Variants in ATRX observed in about 807,000 individuals in gnomAD.
ATRX encodes the protein ATRX chromatin remodeler, also known as chromatin remodeler ATRX.
In ATRX, 12 loss-of-function variants were observed where a neutral mutation model predicts 172.6. That is an observed-to-expected ratio of 0.07 (90% CI 0.04 to 0.11). ATRX has a LOEUF of 0.11. Among genes scored for constraint, ATRX ranks in the 10% least tolerant of loss-of-function variants. ATRX has a pLI of 1.00. For synonymous variants in ATRX, 674 were observed against 594.7 expected (o/e 1.13, Z -1.94); for missense variants, 1,368 against 1,767.4 (o/e 0.77, Z 4.05).
chrX:77,619,444 A>G (rs2067491569), intron 20 of ATRX, among the ~76,000 whole-genome samples: 1 of 111,107 alleles, frequency 9.0e-6, no homozygotes, highest in South Asian at 3.8e-4. Flanking sequence ...ATAATATTTG[A>G]GAGATCAAAT....
At chrX:77,536,243 T>C (rs1303801346) in intron 30 of ATRX, among the ~76,000 whole-genome samples, 1 of 111,362 alleles carries the variant, frequency 9.0e-6, no homozygotes, top group African/African-American at 3.3e-5. Flanking sequence ...AAAGAAAACA[T>C]TAATAAAAGA....
At chrX:77,636,908 G>A (rs1557108474) in intron 15 of ATRX, among the ~76,000 whole-genome samples, 1 of 92,574 alleles carries the variant, frequency 1.1e-5, no homozygotes, top group Non-Finnish European at 2.1e-5. Flanking sequence ...AGAAGAAGAA[G>A]AAGGAAGAAG....
chrX:77,763,770 C>T (rs1469869325), intron 1 of ATRX, among the ~76,000 whole-genome samples: 4 of 110,967 alleles, frequency 3.6e-5, no homozygotes, highest in African/African-American at 9.8e-5. Flanking sequence ...CACCCGGCCC[C>T]GTTATACTAT....
intron 15 of ATRX, among the ~76,000 whole-genome samples, chrX:77,638,312 A>C (rs1480788496): frequency 8.9e-6 from 1 of 112,097 alleles, no homozygotes; most frequent in East Asian, 2.8e-4. Context: ...AAATACAATA[A>C]CAACAACAAA....
At chrX:77,713,954 G>A (rs1336171786) in intron 2 of ATRX, among the ~76,000 whole-genome samples, 4 of 111,390 alleles carry the variant, frequency 3.6e-5, no homozygotes, top group African/African-American at 3.3e-5. Flanking sequence ...GAGATGAGAG[G>A]GAGAGGGACC....
chrX:77,612,422 G>A (rs1442689482), intron 22 of ATRX, among the ~76,000 whole-genome samples: 4 of 107,629 alleles, frequency 3.7e-5, no homozygotes, highest in African/African-American at 1.4e-4. Flanking sequence ...CTGTTGGGGG[G>A]TGAGGGGCAA....
chrX:77,644,501 G>A (rs1247317750), intron 15 of ATRX, among the ~76,000 whole-genome samples: 2 of 111,593 alleles, frequency 1.8e-5, no homozygotes, highest in African/African-American at 6.5e-5. Context: ...GTTGATGGGT[G>A]CAGCAAACCA....
intron 22 of ATRX, among the ~76,000 whole-genome samples, chrX:77,603,396 G>A (rs782258387): frequency 2.8e-5 from 3 of 108,201 alleles, no homozygotes; most frequent in South Asian, 8.1e-4. Flanking sequence ...ATGGAGTTTC[G>A]CTCTTGTTGC....
intron 1 of ATRX, among the ~76,000 whole-genome samples, chrX:77,766,362 G>A (rs1390724078): frequency 9.0e-6 from 1 of 111,445 alleles, no homozygotes; most frequent in Non-Finnish European, 1.9e-5. Flanking sequence ...CTGCCGGGCG[G>A]AGACGCTCCT....
At chrX:77,708,144 G>A (rs1457700024) in intron 2 of ATRX, among the ~76,000 whole-genome samples, 5 of 111,935 alleles carry the variant, frequency 4.5e-5, no homozygotes, top group African/African-American at 1.6e-4. Context: ...ATTTACAGCC[G>A]CATTATTCCT....
At chrX:77,720,729 C>A (rs1464367895) in intron 1 of ATRX, among the ~76,000 whole-genome samples, 3 of 111,853 alleles carry the variant, frequency 2.7e-5, no homozygotes, top group African/African-American at 9.8e-5. Context: ...AGATTCAAAG[C>A]TGAATTCTAC....
chrX:77,692,570 A>G (rs2071950874), intron 6 of ATRX, among the ~76,000 whole-genome samples: 1 of 112,194 alleles, frequency 8.9e-6, no homozygotes, highest in African/African-American at 3.2e-5. Context: ...TTTCACCAAT[A>G]TAAGAACTTC....
rs891347117 is a variant in ATRX at position 77,653,278 on chromosome X, G to A, written c.4317+820C>T. On this transcript the variant is annotated intron_variant, in intron 14 of 34. Coordinates refer to ENST00000373344, the MANE Select transcript of ATRX (RefSeq NM_000489.6). Reference sequence around the variant, plus strand: ...CATAGCAGTATTATTCAAAATAGCCGAAAGGTAGAAACAACCCAAATGTCC... The same window carrying A: ...CATAGCAGTATTATTCAAAATAGCCAAAAGGTAGAAACAACCCAAATGTCC... Among the ~76,000 whole-genome samples the A allele has an allele frequency of 1.8e-4, 20 of 111,694 alleles. No individual in the cohort carries two copies. In the Admixed American group the frequency reaches 1.8e-3, roughly 10 times the overall value.
chrX:77,767,236 GGAGAGGGAGAGAGGGA>G (rs1174246575), intron 1 of ATRX, among the ~76,000 whole-genome samples: 179 of 103,171 alleles, frequency 1.7e-3, no homozygotes, highest in African/African-American at 4.5e-3. Flanking sequence ...GAGACCGTGG[GGAGAGGGAGAGAGGGA>G]GAGAGGGAGA....
intron 2 of ATRX, among the ~76,000 whole-genome samples, chrX:77,701,389 G>T (rs1272385607): frequency 9.1e-6 from 1 of 109,848 alleles, no homozygotes; most frequent in Non-Finnish European, 1.9e-5. Flanking sequence ...GCATGCACCT[G>T]CAATCCTAGC....
intron 1 of ATRX, among the ~76,000 whole-genome samples, chrX:77,741,406 T>C (rs1209984356): frequency 9.2e-6 from 1 of 108,706 alleles, no homozygotes; most frequent in African/African-American, 3.3e-5. Flanking sequence ...CTGAGTTGTC[T>C]TTCTTTTTAT....
Position 77,506,537 on chromosome X carries a change from G to T in ATRX, c.*1814C>A, listed in dbSNP as rs2062709512. 5.7e-6 allele frequency: 1 copy of T among 175,364 alleles called. No individual in the cohort carries two copies. Among genetic ancestry groups the T allele is most frequent in the Non-Finnish European group, 1.1e-5 (1 of 91,375 alleles). 14.5% of individuals were successfully genotyped at this position (175,364 alleles called of 1,213,427 possible). On this transcript the variant is annotated 3_prime_UTR_variant, in exon 35 of 35. Coordinates refer to ENST00000373344, the MANE Select transcript of ATRX (RefSeq NM_000489.6). The stretch of plus-strand genomic sequence containing the variant: ...GTAGAAATACCAACTGGTAACAGTT[G>T]GCCAGAGTGTACTGCCTTCAAATAT...
chrX:77,512,161 G>A (rs1362568093), intron 34 of ATRX, among the ~76,000 whole-genome samples: 3 of 111,649 alleles, frequency 2.7e-5, no homozygotes, highest in Non-Finnish European at 3.8e-5. Context: ...GCCCAGGAGA[G>A]AGTGACATGA....
chrX:77,563,233 T>C (rs887199294), intron 28 of ATRX, among the ~76,000 whole-genome samples: 1 of 112,587 alleles, frequency 8.9e-6, no homozygotes, highest in East Asian at 2.8e-4. Context: ...ACATTTAGAT[T>C]TATGATTCCT....
Sources: allele counts gnomAD v4.1 joint callset (sites outside exome capture counted in the v4.1 genomes callset), GRCh38; gene constraint gnomAD v4.1.1; transcripts MANE v1.5; gene names NCBI Gene and HGNC (gene_info 2026-07-23, HGNC 2026-07-21).